RAPGEF5: variants seen among roughly 807,000 people sequenced by gnomAD.
RAPGEF5 encodes Rap guanine nucleotide exchange factor 5, also known as M-Ras-regulated GEF.
RAPGEF5 carries 65 observed loss-of-function variants against 125.2 expected under a neutral mutation model. The observed-to-expected ratio is 0.52, with a 90% CI of 0.43 to 0.64. The LOEUF (loss-of-function observed/expected upper bound fraction) is 0.64, where lower values mean the gene tolerates loss of function less well. RAPGEF5 is among the 30% of genes least tolerant of loss of function. The probability of loss-of-function intolerance (pLI) is 0.00; values close to 1 mark genes in which losing one functional copy is unlikely to be tolerated. For missense variants in RAPGEF5, 958 were observed against 1,048.1 expected, an observed-to-expected ratio of 0.91 and a Z score of 1.19; for synonymous variants, 391 against 385.9, an observed-to-expected ratio of 1.01 and a Z score of -0.16.
chr7:22,315,866 T>C (rs1452384163), intron 2 of RAPGEF5, among the ~76,000 whole-genome samples: 1 of 152,110 alleles, frequency 6.6e-6, no homozygotes, highest in African/African-American at 2.4e-5. Context: ...GTCTGCATAT[T>C]GATAATGCAA....
At position 22,356,865 on chromosome 7, in the gene RAPGEF5, T is replaced by C. The variant is rs1399805181; in HGVS notation, c.196A>G (p.Thr66Ala). ...DLPALLRSGL[T>A]LRRKRSAAGG... is the part of the protein sequence containing the mutation. ...GCGGCGCTCCGCTTCCTCCGCAGCG[T>C]GAGCCCGCTCCGCAGCAGCGCGGGC... Residue 66 changes from threonine to alanine, a missense_variant, in exon 1 of 26, where the codon ACG becomes GCG. Physicochemically the swap from Thr to Ala is moderately conservative, Grantham distance 58. Coordinates refer to ENST00000665637, the MANE Select transcript of RAPGEF5 (RefSeq NM_012294.5). 2.1e-5 allele frequency: 24 copies of C among 1,163,026 alleles called. No homozygotes were observed. Among genetic ancestry groups the C allele is most frequent in the Middle Eastern group, 3.6e-4 (1 of 2,814 alleles). 72.0% of individuals were successfully genotyped at this position (1,163,026 alleles called of 1,614,324 possible).
At chr7:22,156,773 T>G in intron 16 of RAPGEF5, 37 bp downstream of exon 16, 3 of 1,611,608 alleles carry the variant, frequency 1.9e-6, no homozygotes, top group Middle Eastern at 3.4e-4. Flanking sequence ...GGCTAACTGC[T>G]GCCCACCCCC....
chr7:22,212,814 C>T (rs1785542094), intron 9 of RAPGEF5, among the ~76,000 whole-genome samples: 1 of 152,138 alleles, frequency 6.6e-6, no homozygotes, highest in Non-Finnish European at 1.5e-5. Flanking sequence ...AATATAAGGT[C>T]ACCTGGGGTC....
At chr7:22,224,052 C>T (rs950747088) in intron 8 of RAPGEF5, among the ~76,000 whole-genome samples, 1 of 152,100 alleles carries the variant, frequency 6.6e-6, no homozygotes, top group Non-Finnish European at 1.5e-5. Context: ...TAAAAACAAA[C>T]AGTAGGCTGT....
intron 14 of RAPGEF5, 102 bp from the exon 15 acceptor site, chr7:22,157,987 G>A: frequency 9.0e-7 from 1 of 1,107,070 alleles, no homozygotes. Context: ...AGAGGATTTT[G>A]CTCTTTAAAA....
intron 7 of RAPGEF5, among the ~76,000 whole-genome samples, chr7:22,253,224 A>G (rs1179361337): frequency 6.6e-6 from 1 of 152,248 alleles, no homozygotes; most frequent in Non-Finnish European, 1.5e-5. Context: ...GAAGACAAGA[A>G]TGTTGTGTTG....
In RAPGEF5 at chr7:22,160,639, G is replaced by A. The variant is rs771932351; in HGVS notation, c.1429-24C>T. Reference sequence around the variant, plus strand: ...GTCTGGAGAAAAAAGACAAATGAGAGCTCAGTGGTTGAATGCCCATTTTGT... The same window carrying A: ...GTCTGGAGAAAAAAGACAAATGAGAACTCAGTGGTTGAATGCCCATTTTGT... On this transcript the variant is annotated intron_variant, in intron 13 of 25. Transcript: ENST00000665637. 1.9e-5 allele frequency: 28 copies of A among 1,512,640 alleles called. No individual in the cohort carries two copies. In the South Asian group the frequency reaches 2.2e-4, roughly 12 times the overall value. 93.7% of individuals were successfully genotyped at this position (1,512,640 alleles called of 1,614,324 possible).
intron 7 of RAPGEF5, among the ~76,000 whole-genome samples, chr7:22,258,103 A>T (rs1782046942): frequency 2.0e-5 from 3 of 152,206 alleles, no homozygotes; most frequent in Admixed American, 1.3e-4. Flanking sequence ...ATTTTAAGGG[A>T]CACAAAATCG....
At position 22,150,507 on chromosome 7, in the gene RAPGEF5, T is replaced by C; in HGVS notation, c.1787-3A>G. On this transcript the variant is annotated splice_region_variant and splice_polypyrimidine_tract_variant and intron_variant, in intron 17 of 25. Coordinates refer to ENST00000665637, the MANE Select transcript of RAPGEF5 (RefSeq NM_012294.5). ...ATTTGGCTGAAGTTCATGCTTTTCT[T>C]TATTTGAAAAAAAAAAAAAAAAAAG... The C allele has an allele frequency of 6.6e-7, 1 of 1,523,288 alleles. No individual in the cohort carries two copies. Among genetic ancestry groups the C allele is most frequent in the Non-Finnish European group, 8.7e-7 (1 of 1,148,984 alleles). The allele number at this position is 1,523,288 out of a possible 1,614,324, so 94.4% of individuals were successfully genotyped here. A position where few individuals can be genotyped will look rare whatever the true frequency, so the allele number is the denominator to read the frequency against.
rs567298694 is a variant in RAPGEF5, at chr7:22,188,385, T to C, written c.1204+4982A>G. ...AAATATCAAGGGATTATCATGAGCT[T>C]GGTGTTGGCAGGAGACAAGATTAAA... On this transcript the variant is annotated intron_variant, in intron 11 of 25. Transcript: ENST00000665637. 7.2e-5 allele frequency among the ~76,000 whole-genome samples: 11 copies of C among 152,286 alleles called. No individual in the cohort carries two copies. The South Asian group carries it at 2.1e-3, about 29-fold the overall frequency.
intron 9 of RAPGEF5, among the ~76,000 whole-genome samples, chr7:22,213,451 T>A (rs1362653501): frequency 6.6e-6 from 1 of 152,242 alleles, no homozygotes; most frequent in Non-Finnish European, 1.5e-5. Context: ...CTGTCTTGAA[T>A]GGTTAACTGT....
At chr7:22,203,252 A>T (rs1379879047) in intron 9 of RAPGEF5, among the ~76,000 whole-genome samples, 1 of 152,096 alleles carries the variant, frequency 6.6e-6, no homozygotes, top group Non-Finnish European at 1.5e-5. Flanking sequence ...GATCATTTTC[A>T]TGGGCGTGTG....
chr7:22,124,817 G>A (rs1048830906), intron 25 of RAPGEF5, among the ~76,000 whole-genome samples: 5 of 152,136 alleles, frequency 3.3e-5, no homozygotes, highest in Admixed American at 1.3e-4. Flanking sequence ...AGAGGGCGAG[G>A]AGGTAAGGTA....
At chr7:22,311,124 T>G (rs1290501905) in intron 3 of RAPGEF5, among the ~76,000 whole-genome samples, 1 of 152,046 alleles carries the variant, frequency 6.6e-6, no homozygotes, top group African/African-American at 2.4e-5. Flanking sequence ...CTCCTAGACT[T>G]GAGAGATCCT....
chr7:22,231,936 G>C (rs2128134748), intron 7 of RAPGEF5, among the ~76,000 whole-genome samples: 1 of 152,188 alleles, frequency 6.6e-6, no homozygotes, highest in East Asian at 1.9e-4. Context: ...GTTCTTTTTT[G>C]CTTCTTTGGG....
intron 16 of RAPGEF5, among the ~76,000 whole-genome samples, chr7:22,156,361 G>A (rs1179476871): frequency 3.9e-5 from 6 of 152,198 alleles, no homozygotes; most frequent in South Asian, 4.1e-4. Context: ...AGCTTCTACC[G>A]TACAGCCTTC....
intron 11 of RAPGEF5, among the ~76,000 whole-genome samples, chr7:22,189,188 A>C (rs1292609611): frequency 6.6e-6 from 1 of 151,934 alleles, no homozygotes; most frequent in African/African-American, 2.4e-5. Flanking sequence ...TTGTAATCAT[A>C]AGTACATTTT....
At chr7:22,260,134 G>C (rs1288558641) in intron 7 of RAPGEF5, among the ~76,000 whole-genome samples, 1 of 152,044 alleles carries the variant, frequency 6.6e-6, no homozygotes, top group Non-Finnish European at 1.5e-5. Context: ...GAGGAACATA[G>C]AGTTGAATAA....
chr7:22,190,404 G>A (rs752477258), intron 11 of RAPGEF5, among the ~76,000 whole-genome samples: 3 of 152,200 alleles, frequency 2.0e-5, no homozygotes, highest in Non-Finnish European at 2.9e-5. Flanking sequence ...AGTATACATA[G>A]TAGGTGTGTG....
Sources: gnomAD v4.1 joint callset for allele counts (sites outside exome capture counted in the v4.1 genomes callset) on GRCh38, gnomAD v4.1.1 for gene constraint, MANE v1.5 for transcripts, NCBI Gene and HGNC (gene_info 2026-07-23, HGNC 2026-07-21) for gene names.